Variants in PHKB observed in about 807,000 individuals in gnomAD.
PHKB encodes phosphorylase b kinase regulatory subunit beta.
Under a neutral mutation model 152.1 loss-of-function variants are expected in PHKB, and 122 were observed. That is an observed-to-expected ratio of 0.80 (90% confidence interval 0.69 to 0.93). The LOEUF (loss-of-function observed/expected upper bound fraction) is 0.93. Ranked by LOEUF, PHKB falls within the 40% of genes least tolerant of loss-of-function variation. PHKB has a pLI of 0.00. For missense variants in PHKB, 1,304 were observed against 1,328.4 expected (o/e 0.98, Z 0.29); for synonymous variants, 436 against 464.9 (o/e 0.94, Z 0.80).
intron 24 of PHKB, 133 bp from the exon 25 acceptor site, chr16:47,664,752 A>G (rs1409453208): frequency 2.8e-6 from 2 of 708,310 alleles, no homozygotes; most frequent in South Asian, 1.5e-5. Flanking sequence ...TGCTTTATGT[A>G]TTACACTTTA....
intron 7 of PHKB, among the ~76,000 whole-genome samples, chr16:47,557,532 G>T (rs577758033): frequency 7.9e-5 from 12 of 151,816 alleles, no homozygotes; most frequent in East Asian, 3.9e-4. Flanking sequence ...CAAACAAATT[G>T]ACAAGAAAAA....
intron 14 of PHKB, among the ~76,000 whole-genome samples, chr16:47,617,060 G>A (rs890160591): frequency 3.3e-5 from 5 of 151,966 alleles, no homozygotes; most frequent in South Asian, 2.1e-4. Context: ...CAGTGTGGGC[G>A]TCAAGGCCAT....
At chr16:47,529,991 A>G (rs1245622046) in intron 6 of PHKB, 1 of 152,218 alleles carries the variant, frequency 6.6e-6, no homozygotes, top group African/African-American at 2.4e-5. Context: ...TTCATCACCT[A>G]TTCATGAAAA....
chr16:47,526,309 T>C (rs964975852), intron 6 of PHKB, among the ~76,000 whole-genome samples: 2 of 151,814 alleles, frequency 1.3e-5, no homozygotes, highest in African/African-American at 4.8e-5. Flanking sequence ...CTCGCGAGGC[T>C]GAGGCAGGGA....
At chr16:47,480,221 T>C (rs1043445899) in intron 1 of PHKB, among the ~76,000 whole-genome samples, 2 of 152,150 alleles carry the variant, frequency 1.3e-5, no homozygotes, top group African/African-American at 4.8e-5. Context: ...ATCAGAGGTA[T>C]AACTGGTTAG....
chr16:47,607,509 C>T (rs1171096975), intron 13 of PHKB, among the ~76,000 whole-genome samples: 1 of 152,186 alleles, frequency 6.6e-6, no homozygotes, highest in South Asian at 2.1e-4. Context: ...CATGTTTCAG[C>T]GATTCATTCC....
At chr16:47,461,688 G>A (rs1969561254) in intron 1 of PHKB, among the ~76,000 whole-genome samples, 1 of 152,178 alleles carries the variant, frequency 6.6e-6, no homozygotes, top group African/African-American at 2.4e-5. Context: ...GCAGCGGTCC[G>A]GACTTCCCTT....
chr16:47,659,196 G>A (rs918750937), intron 20 of PHKB, among the ~76,000 whole-genome samples: 12 of 152,052 alleles, frequency 7.9e-5, no homozygotes, highest in African/African-American at 2.4e-5. Flanking sequence ...TATTATGATT[G>A]CTATTAATAC....
At chr16:47,464,249 G>A in intron 1 of PHKB, 2 of 506,634 alleles carry the variant, frequency 3.9e-6, no homozygotes, top group South Asian at 2.2e-5. Flanking sequence ...CAGTTCCTTA[G>A]TGTCTGGGAG....
chr16:47,606,905 C>G (rs1414125656), intron 13 of PHKB, among the ~76,000 whole-genome samples: 5 of 152,126 alleles, frequency 3.3e-5, no homozygotes, highest in African/African-American at 9.7e-5. Flanking sequence ...TCGTTATACC[C>G]TAGGATTTTA....
At chr16:47,472,394 G>A (rs1371660489) in intron 1 of PHKB, among the ~76,000 whole-genome samples, 1 of 152,186 alleles carries the variant, frequency 6.6e-6, no homozygotes, top group Non-Finnish European at 1.5e-5. Context: ...GCTCATGCCT[G>A]TAATCCTAGC....
Position 47,699,257 on chromosome 16 carries a change from C to T in PHKB, c.3173C>T (p.Pro1058Leu), listed in dbSNP as rs989193292. 2.5e-6 allele frequency: 4 copies of T among 1,613,952 alleles called. No homozygotes were observed. Among genetic ancestry groups the T allele is most frequent in the East Asian group, 2.2e-5 (1 of 44,878 alleles). The change falls in exon 31 of 31, where the codon CCT (proline) becomes CTT (leucine). Residue 1058 changes from proline (P) to leucine (L), a missense_variant. By Grantham distance (98) the Pro-to-Leu change is moderately conservative. Coordinates refer to ENST00000323584, the MANE Select transcript of PHKB (RefSeq NM_000293.3). ...QDDMTSFYNTPPLGKRGTCSY... is the reference protein window; with the variant it reads ...QDDMTSFYNTLPLGKRGTCSY... ...GACATGACTTCCTTTTACAACACTC[C>T]TCCCCTGGGAAAAAGAGGAACATGC... is the stretch of plus-strand genomic sequence containing the variant.
At chr16:47,551,732 A>C (rs550660200) in intron 7 of PHKB, among the ~76,000 whole-genome samples, 2 of 152,160 alleles carry the variant, frequency 1.3e-5, no homozygotes, top group Non-Finnish European at 2.9e-5. Flanking sequence ...TGTTAGGTCC[A>C]CTTGGTCCAG....
intron 22 of PHKB, 46 bp downstream of exon 22, chr16:47,660,865 A>G: frequency 6.3e-7 from 1 of 1,582,100 alleles, no homozygotes; most frequent in Non-Finnish European, 8.7e-7. Flanking sequence ...AGGTTGCTGG[A>G]GCAGAAGCTC....
chr16:47,594,233 G>A lies in PHKB; in HGVS notation c.1204+19G>A. On this transcript the variant is annotated intron_variant, in intron 12 of 30. Coordinates refer to ENST00000323584, the MANE Select transcript of PHKB (RefSeq NM_000293.3). ...ACAGAAGGTATAGTTGTTTTTTTAA[G>A]AAATTCTTCCTACCAACATTTCCTG... 7.9e-7 allele frequency: 1 copy of A among 1,259,486 alleles called. No individual in the cohort carries two copies. The highest frequency in any genetic ancestry group is 1.2e-6 in the Non-Finnish European group (1 of 857,182). The allele number at this position is 1,259,486 out of a possible 1,614,324, so 78.0% of individuals were successfully genotyped here. A position where few individuals can be genotyped will look rare whatever the true frequency, so the allele number is the denominator to read the frequency against.
chr16:47,598,958 C>T lies in PHKB; in HGVS notation c.1363+2427C>T, dbSNP rs1046881885. On this transcript the variant is annotated intron_variant, in intron 13 of 30. Coordinates refer to ENST00000323584, the MANE Select transcript of PHKB (RefSeq NM_000293.3). ...AGCCTCTCATGTGGAGTATTGCACA[C>T]AGCCAATCCCACAAGGCCAGTGGTC... The T allele has an allele frequency of 1.1e-5, 15 of 1,396,824 alleles. No individual in the cohort carries two copies. The African/African-American group carries it at 1.8e-4, about 17-fold the overall frequency. The allele number at this position is 1,396,824 out of a possible 1,614,324, so 86.5% of individuals were successfully genotyped here.
At chr16:47,653,768 T>C (rs866593614) in intron 20 of PHKB, among the ~76,000 whole-genome samples, 1 of 152,116 alleles carries the variant, frequency 6.6e-6, no homozygotes, top group South Asian at 2.1e-4. Context: ...TTTGAATAAA[T>C]AATGGGCTAT....
intron 1 of PHKB, among the ~76,000 whole-genome samples, chr16:47,496,952 A>G (rs1970242636): frequency 6.6e-6 from 1 of 152,206 alleles, no homozygotes. Flanking sequence ...TGTGAACATT[A>G]TCTTCTTTCC....
intron 1 of PHKB, among the ~76,000 whole-genome samples, chr16:47,473,172 A>G (rs1969805739): frequency 7.4e-6 from 1 of 134,510 alleles, no homozygotes; most frequent in African/African-American, 2.8e-5. Context: ...GTGCTCAAGC[A>G]TTCCCTTCTG....
Sources: allele counts gnomAD v4.1 joint callset (sites outside exome capture counted in the v4.1 genomes callset), GRCh38; gene constraint gnomAD v4.1.1; transcripts MANE v1.5; gene names NCBI Gene and HGNC (gene_info 2026-07-23, HGNC 2026-07-21).